Variants in DSCAM observed in about 807,000 individuals in gnomAD.
The protein encoded by DSCAM is DS cell adhesion molecule.
Under a neutral mutation model 217.7 loss-of-function variants are expected in DSCAM, and 47 were observed. The observed-to-expected ratio is 0.22, with a 90% CI of 0.17 to 0.28. The LOEUF (loss-of-function observed/expected upper bound fraction) is 0.28. DSCAM is among the 10% of genes least tolerant of loss of function. DSCAM has a pLI of 1.00. For missense variants in DSCAM, 2,080 were observed against 2,618.3 expected (o/e 0.79, Z 4.49); for synonymous variants, 1,056 against 1,015.3 (o/e 1.04, Z -0.76).
intron 4 of DSCAM, among the ~76,000 whole-genome samples, chr21:40,354,434 G>C (rs1442574639): frequency 2.0e-5 from 3 of 152,192 alleles, no homozygotes; most frequent in Admixed American, 2.0e-4. Context: ...GTGGTGCAAT[G>C]ATTGCTCACC....
At chr21:40,421,058 A>G (rs1177901661) in intron 3 of DSCAM, among the ~76,000 whole-genome samples, 1 of 152,222 alleles carries the variant, frequency 6.6e-6, no homozygotes, top group Non-Finnish European at 1.5e-5. Context: ...CCTCAGGCAT[A>G]GTCTTAAAAG....
At chr21:40,733,458 G>A (rs1982807214) in intron 1 of DSCAM, among the ~76,000 whole-genome samples, 1 of 152,168 alleles carries the variant, frequency 6.6e-6, no homozygotes, top group Middle Eastern at 3.2e-3. Context: ...ATGAGGGAGG[G>A]TTTGGGGAGT....
chr21:40,388,192 C>T (rs2075103833), intron 3 of DSCAM, among the ~76,000 whole-genome samples: 2 of 152,060 alleles, frequency 1.3e-5, no homozygotes, highest in Admixed American at 6.5e-5. Context: ...GGATGTGCTT[C>T]CAGAAAAGAA....
intron 20 of DSCAM, among the ~76,000 whole-genome samples, chr21:40,105,128 A>G (rs934918884): frequency 2.6e-5 from 4 of 152,186 alleles, no homozygotes; most frequent in African/African-American, 4.8e-5. Flanking sequence ...TGCTCTATAA[A>G]TTACATGATT....
chr21:40,183,421 G>T (rs980130828), intron 14 of DSCAM, among the ~76,000 whole-genome samples: 1 of 152,252 alleles, frequency 6.6e-6, no homozygotes, highest in Non-Finnish European at 1.5e-5. Context: ...CACTGTGCCT[G>T]TGCCCGCTCA....
At chr21:40,549,183 G>C (rs1456701154) in intron 3 of DSCAM, among the ~76,000 whole-genome samples, 1 of 152,084 alleles carries the variant, frequency 6.6e-6, no homozygotes, top group Non-Finnish European at 1.5e-5. Context: ...GTGTGACCCT[G>C]TCTCAAAAAA....
At chr21:40,767,947 A>G (rs1231525586) in intron 1 of DSCAM, among the ~76,000 whole-genome samples, 4 of 152,126 alleles carry the variant, frequency 2.6e-5, no homozygotes, top group African/African-American at 9.7e-5. Flanking sequence ...ACTATGAGAT[A>G]TACAGCATTT....
chr21:40,337,989 A>G (rs756268363), intron 8 of DSCAM, 112 bp downstream of exon 8: 254 of 1,350,436 alleles, frequency 1.9e-4, no homozygotes, highest in Admixed American at 9.9e-4. Flanking sequence ...AGCCTGTACA[A>G]TTATCCTGCT....
intron 3 of DSCAM, among the ~76,000 whole-genome samples, chr21:40,462,406 A>G (rs1229569026): frequency 3.9e-5 from 6 of 152,224 alleles, no homozygotes; most frequent in Non-Finnish European, 5.9e-5. Context: ...CCTCCAAGTA[A>G]GCCTGATGTG....
chr21:40,422,611 C>T (rs564983831), intron 3 of DSCAM, among the ~76,000 whole-genome samples: 67 of 152,296 alleles, frequency 4.4e-4, no homozygotes, highest in African/African-American at 1.5e-3. Flanking sequence ...CACTGCCCTC[C>T]AGCCTGGGTG....
At chr21:40,049,473 C>T (rs1018637291) in intron 30 of DSCAM, among the ~76,000 whole-genome samples, 17 of 152,160 alleles carry the variant, frequency 1.1e-4, no homozygotes, top group Admixed American at 2.0e-4. Context: ...CTGCTCCACA[C>T]GCCCGCTGAC....
chr21:40,147,799 A>G (rs1326340885), intron 16 of DSCAM, among the ~76,000 whole-genome samples: 1 of 152,172 alleles, frequency 6.6e-6, no homozygotes, highest in Non-Finnish European at 1.5e-5. Context: ...TAGTCTTTAA[A>G]TATCATATTC....
intron 3 of DSCAM, among the ~76,000 whole-genome samples, chr21:40,588,791 CA>C (rs2076964137): frequency 6.6e-6 from 1 of 151,912 alleles, no homozygotes; most frequent in African/African-American, 2.4e-5. Flanking sequence ...TGTGGAAAAA[CA>C]TTTAACAAGA....
At chr21:40,296,510 T>C (rs1288844771) in intron 9 of DSCAM, among the ~76,000 whole-genome samples, 1 of 152,096 alleles carries the variant, frequency 6.6e-6, no homozygotes. Context: ...ATTCCCTCAA[T>C]GGAAAATTGA....
intron 3 of DSCAM, among the ~76,000 whole-genome samples, chr21:40,422,914 G>A (rs1241375029): frequency 2.0e-5 from 3 of 152,048 alleles, no homozygotes; most frequent in Admixed American, 6.5e-5. Flanking sequence ...TGCCTAATAA[G>A]GTCTTTTACT....
At chr21:40,771,375 C>G (rs564677665) in intron 1 of DSCAM, among the ~76,000 whole-genome samples, 28 of 152,262 alleles carry the variant, frequency 1.8e-4, no homozygotes, top group Non-Finnish European at 1.9e-4. Flanking sequence ...TGGGAATAAA[C>G]AAGAGTGAAG....
At chr21:40,280,913 T>C (rs562261332) in intron 10 of DSCAM, among the ~76,000 whole-genome samples, 33 of 152,218 alleles carry the variant, frequency 2.2e-4, no homozygotes, top group Non-Finnish European at 4.1e-4. Context: ...GGGAAGGAAC[T>C]GGGAGTTGGT....
chr21:40,333,391 A>G (rs1026522724), intron 8 of DSCAM, among the ~76,000 whole-genome samples: 1 of 152,102 alleles, frequency 6.6e-6, no homozygotes, highest in Non-Finnish European at 1.5e-5. Context: ...ATTGAGACAG[A>G]GTCTTCCCTG....
chr21:40,660,662 C>T (rs148305691), intron 3 of DSCAM, among the ~76,000 whole-genome samples: 268 of 152,174 alleles, frequency 1.8e-3, no homozygotes, highest in Non-Finnish European at 3.1e-3. Context: ...AGTATGGTAA[C>T]ATTTACTTTT....
Sources: allele counts gnomAD v4.1 joint callset (sites outside exome capture counted in the v4.1 genomes callset), GRCh38; gene constraint gnomAD v4.1.1; transcripts MANE v1.5; gene names NCBI Gene and HGNC (gene_info 2026-07-23, HGNC 2026-07-21).